Variants in C11orf65 observed in about 807,000 individuals in gnomAD.
C11orf65 encodes protein MFI.
A neutral mutation model predicts 35.3 loss-of-function variants in C11orf65; 38 were observed. The ratio of observed to expected loss-of-function variants is 1.08; its 90% CI spans 0.83 to 1.41. The LOEUF (loss-of-function observed/expected upper bound fraction) is 1.41, where lower values mean the gene tolerates loss of function less well. C11orf65 is among the 40% of genes most tolerant of loss of function. The pLI is 0.00. For synonymous variants in C11orf65, 105 were observed against 114.4 expected (o/e 0.92, Z 0.53); for missense variants, 370 against 367.1 (o/e 1.01, Z -0.06).
downstream of C11orf65, among the ~76,000 whole-genome samples, chr11:108,379,369 T>C (rs1000002831): frequency 2.7e-5 from 4 of 149,932 alleles, no homozygotes; most frequent in Admixed American, 2.7e-4. Flanking sequence ...CAGTAAACTA[T>C]CGCAGGACAA....
At chr11:108,380,471 C>T (rs953862486), downstream of C11orf65, among the ~76,000 whole-genome samples, 8 of 151,996 alleles carry the variant, frequency 5.3e-5, no homozygotes, top group Non-Finnish European at 1.0e-4. Flanking sequence ...TCACATATCA[C>T]TTTTATGCTT....
At chr11:108,398,800 A>G (rs2092375943) in intron 6 of C11orf65, among the ~76,000 whole-genome samples, 2 of 152,248 alleles carry the variant, frequency 1.3e-5, no homozygotes, top group African/African-American at 4.8e-5. Context: ...GTATGAAATA[A>G]AATGATGACG....
chr11:108,401,051 G>A (rs1331521408), intron 6 of C11orf65, among the ~76,000 whole-genome samples: 1 of 152,100 alleles, frequency 6.6e-6, no homozygotes. Flanking sequence ...AGAGGTTGCA[G>A]TGAGCCGAGA....
chr11:108,370,027 GA>G (rs774309070), intron 2 of C11orf65, among the ~76,000 whole-genome samples: 5 of 152,074 alleles, frequency 3.3e-5, no homozygotes, highest in Admixed American at 6.6e-5. Flanking sequence ...TCTCTTAATG[GA>G]GTTTTTTTGG....
intron 6 of C11orf65, among the ~76,000 whole-genome samples, chr11:108,400,218 C>T (rs1322592099): frequency 2.0e-5 from 3 of 152,200 alleles, no homozygotes; most frequent in Non-Finnish European, 4.4e-5. Context: ...TGTGCTTCTT[C>T]AGGATGGATG....
chr11:108,405,964 G>A (rs1232426704), intron 5 of C11orf65, among the ~76,000 whole-genome samples: 4 of 152,006 alleles, frequency 2.6e-5, no homozygotes, highest in Non-Finnish European at 5.9e-5. Flanking sequence ...AAGACTTTGT[G>A]GTTTCCCCGT....
At chr11:108,448,450 T>C (rs2093297917) in intron 2 of C11orf65, among the ~76,000 whole-genome samples, 2 of 152,222 alleles carry the variant, frequency 1.3e-5, no homozygotes, top group African/African-American at 4.8e-5. Flanking sequence ...GCAAGTGGGC[T>C]TCATCCCTGG....
At chr11:108,366,654 G>A (rs2091346827) in intron 2 of C11orf65, 1 of 230,922 alleles carries the variant, frequency 4.3e-6, no homozygotes, top group Non-Finnish European at 8.6e-6. Flanking sequence ...TTAATTTCTT[G>A]GCTTTAGGGT....
chr11:108,429,077 G>A (rs923919962), intron 3 of C11orf65, among the ~76,000 whole-genome samples: 14 of 152,122 alleles, frequency 9.2e-5, no homozygotes, highest in Non-Finnish European at 1.8e-4. Context: ...GGCCCAGGAG[G>A]TTGAGGCTGC....
At chr11:108,340,231 C>T (rs2087375987) in intron 2 of C11orf65, 1 of 152,128 alleles carries the variant, frequency 6.6e-6, no homozygotes, top group African/African-American at 2.4e-5. Context: ...CCCCCTTGTA[C>T]TTGTCACTCA....
chr11:108,327,511 A>T (rs1292386918), downstream of C11orf65: 1 of 676,524 alleles, frequency 1.5e-6, no homozygotes, highest in East Asian at 2.8e-5. Flanking sequence ...GCAAAAGCAG[A>T]TGAGGAAAAA....
intron 6 of C11orf65, chr11:108,317,526 G>C (rs2136171191): frequency 6.3e-7 from 1 of 1,579,770 alleles, no homozygotes. Context: ...CGTCAGGTAA[G>C]AAATTTGACT....
At chr11:108,397,354 G>A (rs1216042617) in intron 6 of C11orf65, among the ~76,000 whole-genome samples, 9 of 150,016 alleles carry the variant, frequency 6.0e-5, no homozygotes, top group Admixed American at 5.3e-4. Context: ...ATTTGTCTTC[G>A]TAGGTAATTT....
intron 6 of C11orf65, among the ~76,000 whole-genome samples, chr11:108,400,843 A>C (rs1299610723): frequency 6.6e-6 from 1 of 152,164 alleles, no homozygotes; most frequent in Non-Finnish European, 1.5e-5. Flanking sequence ...GTGGTGGCTC[A>C]TGCCTGTAAT....
chr11:108,365,416 A>C lies in C11orf65; in HGVS notation c.226+27792T>G, dbSNP rs763152094. On this transcript the variant is annotated intron_variant, in intron 2 of 3. Coordinates refer to the C11orf65 transcript ENST00000524755. ...AGGAGTGGAAGAAGGCACTGTGCTC[A>C]GTGTTGGTGGACAAGTGAATTTGCT... 2 of 1,614,248 alleles carry C rather than the reference A, an allele frequency of 1.2e-6. No homozygotes were observed. Among genetic ancestry groups the C allele is most frequent in the Non-Finnish European group, 1.7e-6 (2 of 1,180,048 alleles).
At chr11:108,468,869 TGAG>T (rs1475062131), upstream of C11orf65, among the ~76,000 whole-genome samples, 1 of 152,066 alleles carries the variant, frequency 6.6e-6, no homozygotes, top group Non-Finnish European at 1.5e-5. Flanking sequence ...TTTGGGAGGC[TGAG>T]GTGGGCGGAT....
At chr11:108,458,921 C>G (rs2135735205) in intron 2 of C11orf65, among the ~76,000 whole-genome samples, 1 of 152,218 alleles carries the variant, frequency 6.6e-6, no homozygotes, top group East Asian at 1.9e-4. Context: ...AAAAGTGAAC[C>G]TTGGTTGTCC....
chr11:108,381,843 A>G (rs922557960), downstream of C11orf65, among the ~76,000 whole-genome samples: 29 of 152,110 alleles, frequency 1.9e-4, no homozygotes, highest in African/African-American at 6.8e-4. Context: ...TATAGGCTGG[A>G]CTTGATGCAT....
Position 108,325,407 on chromosome 11 carries a change from A to AT in C11orf65, c.641-16337dup. On this transcript the variant is annotated intron_variant, in intron 6 of 6. Transcript: ENST00000525729. ...TGATTTTAGTTTTCAGGAGCCTATC[A>AT]TGGCTCTACGCACAGTCATTTTGGA... The AT allele has an allele frequency of 6.2e-7, 1 of 1,613,846 alleles. No homozygotes were observed. Among genetic ancestry groups the AT allele is most frequent in the Non-Finnish European group, 8.5e-7 (1 of 1,179,874 alleles).
Sources: allele counts gnomAD v4.1 joint callset (sites outside exome capture counted in the v4.1 genomes callset), GRCh38; gene constraint gnomAD v4.1.1; transcripts MANE v1.5; gene names NCBI Gene and HGNC (gene_info 2026-07-23, HGNC 2026-07-21).